ALMS1: variants seen among roughly 807,000 people sequenced by gnomAD.
The protein encoded by ALMS1 is centrosome-associated protein ALMS1.
In ALMS1, 271 loss-of-function variants were observed where a neutral mutation model predicts 352.2. That is an observed-to-expected ratio of 0.77 (90% CI 0.70 to 0.85). The LOEUF (loss-of-function observed/expected upper bound fraction) is 0.85. Ranked by LOEUF, ALMS1 falls within the 40% of genes least tolerant of loss-of-function variation. The pLI is 0.00. For missense variants in ALMS1, 5,445 were observed against 4,870.7 expected (o/e 1.12, Z -3.51); for synonymous variants, 1,865 against 1,761.2 (o/e 1.06, Z -1.48).
chr2:73,566,042 G>T (rs1432104924), intron 15 of ALMS1, among the ~76,000 whole-genome samples: 1 of 152,126 alleles, frequency 6.6e-6, no homozygotes, highest in Non-Finnish European at 1.5e-5. Flanking sequence ...TTGATTCATG[G>T]TAATATATTG....
Position 73,451,620 on chromosome 2 carries a change from A to T in ALMS1, c.5093A>T (p.Asp1698Val). The stretch of plus-strand genomic sequence containing the variant: ...AAAGTTCCACCTGTTCCTGGACCAG[A>T]TGCCCAGAAGACTGAGACACCATCA... ...ALKVPPVPGP[D>V]AQKTETPSVS... Residue 1698 changes from aspartate to valine, a missense_variant, in exon 8 of 23, where the codon GAT becomes GTT. Transcript: ENST00000613296. 2 of 1,613,774 alleles carry T rather than the reference A, an allele frequency of 1.2e-6. No homozygotes were observed. The highest frequency in any genetic ancestry group is 1.7e-6 in the Non-Finnish European group (2 of 1,179,918).
chr2:73,391,418 C>T (rs533936722), intron 1 of ALMS1, among the ~76,000 whole-genome samples: 7 of 150,920 alleles, frequency 4.6e-5, no homozygotes, highest in Admixed American at 2.7e-4. Flanking sequence ...CTCAGCCTCC[C>T]GAGTAGCTGC....
chr2:73,399,943 T>G (rs1458424950), intron 1 of ALMS1, among the ~76,000 whole-genome samples: 1 of 150,176 alleles, frequency 6.7e-6, no homozygotes, highest in Non-Finnish European at 1.5e-5. Context: ...ATTGTTTTTT[T>G]TTTTTTTTTT....
chr2:73,599,496 C>T lies in ALMS1; in HGVS notation c.11643C>T (p.His3881=), dbSNP rs1296746698. 1 of 1,613,528 alleles carries T rather than the reference C, an allele frequency of 6.2e-7. No homozygotes were observed. Among genetic ancestry groups the T allele is most frequent in the Non-Finnish European group, 8.5e-7 (1 of 1,179,708 alleles). The change falls in exon 17 of 23, where the codon CAC becomes CAT. Residue 3881 remains histidine, a synonymous_variant. Coordinates refer to ENST00000613296, the MANE Select transcript of ALMS1 (RefSeq NM_001378454.1). ...CTTTTTGCAACAAGCAGAATGTACA[C>T]ATGTTAAACAAGGGCATACAAGCAG... is the stretch of plus-strand genomic sequence containing the variant. ...NSTFCNKQNV[H]MLNKGIQAGN... is the part of the protein sequence containing the mutation.
At position 73,519,833 on chromosome 2, in the gene ALMS1, G is replaced by T. The variant is rs1241101396; in HGVS notation, c.9598G>T (p.Ala3200Ser). The change falls in exon 11 of 23, where the codon GCA becomes TCA. Residue 3200 changes from alanine to serine, a missense_variant. By Grantham distance (99) the Ala-to-Ser change is moderately conservative. Transcript: ENST00000613296. Reference protein sequence around the residue: ...SAFSEKLSSDAVTQITTESPE... With the variant: ...SAFSEKLSSDSVTQITTESPE... ...TTTCTCTGAAAAATTGTCATCTGAT[G>T]CAGTCACTCAGATAACAACAGAAAG... 2 of 1,613,724 alleles carry T rather than the reference G, an allele frequency of 1.2e-6. No individual in the cohort carries two copies. The highest frequency in any genetic ancestry group is 1.7e-5 in the Admixed American group (1 of 60,000).
chr2:73,482,744 C>T lies in ALMS1; in HGVS notation c.7675-6890C>T, dbSNP rs1304461392. On this transcript the variant is annotated intron_variant, in intron 9 of 22. Transcript: ENST00000613296. ...TGGTTGGTAAGCTATTGATTATTGC[C>T]ACAATTTCAGATCCTGTTATTGGTC... Among the ~76,000 whole-genome samples the T allele has an allele frequency of 5.3e-5, 8 of 152,090 alleles. No individual in the cohort carries two copies. The East Asian group carries it at 1.4e-3, about 26-fold the overall frequency.
At chr2:73,519,488 G>A (rs1306132503) in intron 10 of ALMS1, among the ~76,000 whole-genome samples, 3 of 152,072 alleles carry the variant, frequency 2.0e-5, no homozygotes, top group Admixed American at 1.3e-4. Flanking sequence ...TTAAAAAAAT[G>A]TATTTTCAAT....
chr2:73,555,729 T>C (rs1464970811), intron 13 of ALMS1, among the ~76,000 whole-genome samples: 2 of 152,196 alleles, frequency 1.3e-5, no homozygotes, highest in Non-Finnish European at 2.9e-5. Context: ...GGAATGTTCA[T>C]TGCAGTGCTT....
chr2:73,542,385 A>G (rs1674205360), intron 12 of ALMS1, among the ~76,000 whole-genome samples: 1 of 152,332 alleles, frequency 6.6e-6, no homozygotes, highest in East Asian at 1.9e-4. Context: ...AATAAGAGCT[A>G]TCTATGACAA....
At chr2:73,465,892 C>G (rs1330289085) in intron 9 of ALMS1, among the ~76,000 whole-genome samples, 1 of 152,216 alleles carries the variant, frequency 6.6e-6, no homozygotes, top group East Asian at 1.9e-4. Context: ...AAATGCTCAT[C>G]ATCACTGGAC....
At chr2:73,548,836 A>T (rs1415659645) in intron 12 of ALMS1, among the ~76,000 whole-genome samples, 1 of 152,152 alleles carries the variant, frequency 6.6e-6, no homozygotes, top group African/African-American at 2.4e-5. Flanking sequence ...ACCTAGGAAG[A>T]GAAGAGAGGC....
At chr2:73,479,440 A>G (rs541743008) in intron 9 of ALMS1, among the ~76,000 whole-genome samples, 1 of 152,342 alleles carries the variant, frequency 6.6e-6, no homozygotes, top group Non-Finnish European at 1.5e-5. Flanking sequence ...ATAACTTTGT[A>G]ATTTCAAGAA....
chr2:73,454,134 G>A, intron 8 of ALMS1, 67 bp downstream of exon 8: 1 of 1,545,532 alleles, frequency 6.5e-7, no homozygotes. Context: ...AGATATTTAT[G>A]TTTTGAGGAA....
intron 9 of ALMS1, among the ~76,000 whole-genome samples, chr2:73,478,851 A>G (rs960062951): frequency 3.3e-5 from 5 of 151,638 alleles, no homozygotes; most frequent in Admixed American, 3.3e-4. Context: ...CCCTGACCCC[A>G]CCGACAGGCC....
In ALMS1 at chr2:73,452,668, C is replaced by T; in HGVS notation, c.6141C>T (p.Ser2047=). The T allele has an allele frequency of 6.2e-7, 1 of 1,613,932 alleles. No homozygotes were observed. Among genetic ancestry groups the T allele is most frequent in the Middle Eastern group, 1.6e-4 (1 of 6,062 alleles). Reference sequence around the variant, plus strand: ...CATCCCAGACAGCTTTTCATAGTTCCTATTCTCAAACAGTAAAGCCCAATA... The same window carrying T: ...CATCCCAGACAGCTTTTCATAGTTCTTATTCTCAAACAGTAAAGCCCAATA... ...KTPSQTAFHS[S]YSQTVKPNIL... is the part of the protein sequence containing the mutation. The change falls in exon 8 of 23, where the codon TCC becomes TCT. Residue 2047 remains serine (S), a synonymous_variant. Coordinates refer to ENST00000613296, the MANE Select transcript of ALMS1 (RefSeq NM_001378454.1).
intron 15 of ALMS1, among the ~76,000 whole-genome samples, chr2:73,562,589 T>C (rs1674687919): frequency 6.6e-6 from 1 of 152,080 alleles, no homozygotes; most frequent in East Asian, 1.9e-4. Context: ...TAAGTAATTA[T>C]AGGGTTGAAA....
At chr2:73,433,168 C>T (rs1671545387) in intron 7 of ALMS1, among the ~76,000 whole-genome samples, 1 of 152,186 alleles carries the variant, frequency 6.6e-6, no homozygotes, top group Non-Finnish European at 1.5e-5. Context: ...TCTGAGAAGT[C>T]AGCTCAGGTT....
Position 73,489,806 on chromosome 2 carries a change from G to A in ALMS1, c.7847G>A (p.Arg2616Gln), listed in dbSNP as rs1191032728. The A allele has an allele frequency of 5.0e-6, 8 of 1,614,066 alleles. No individual in the cohort carries two copies. The highest frequency in any genetic ancestry group is 1.1e-5 in the South Asian group (1 of 91,070). Residue 2616 changes from arginine to glutamine, a missense_variant, in exon 10 of 23, where the codon CGG becomes CAG. Physicochemically the swap from Arg to Gln is conservative, Grantham distance 43. Transcript: ENST00000613296. ...GGACCCTCAGAAATGACCAGAGGAC[G>A]GCAGAACCCATCATCATGCAGAGCC... ...SAGPSEMTRG[R>Q]QNPSSCRAKH... is the part of the protein sequence containing the mutation.
At chr2:73,557,880 C>T (rs1388879364) in intron 14 of ALMS1, among the ~76,000 whole-genome samples, 1 of 152,192 alleles carries the variant, frequency 6.6e-6, no homozygotes, top group Non-Finnish European at 1.5e-5. Context: ...AAAACTCTTT[C>T]TCTTTTTTGT....
Sources: allele counts gnomAD v4.1 joint callset (sites outside exome capture counted in the v4.1 genomes callset), GRCh38; gene constraint gnomAD v4.1.1; transcripts MANE v1.5; gene names NCBI Gene and HGNC (gene_info 2026-07-23, HGNC 2026-07-21).